GOPC: variants seen among roughly 807,000 people sequenced by gnomAD.
The protein encoded by GOPC is golgi associated PDZ and coiled-coil motif containing.
In GOPC, 32 loss-of-function variants were observed where a neutral mutation model predicts 51.2. The ratio of observed to expected loss-of-function variants is 0.63; its 90% CI spans 0.47 to 0.84. The LOEUF is 0.84. Ranked by LOEUF, GOPC falls within the 40% of genes least tolerant of loss-of-function variation. The pLI is 0.00. For missense variants in GOPC, 441 were observed against 555.5 expected (o/e 0.79, Z 2.07); for synonymous variants, 190 against 205.1 (o/e 0.93, Z 0.63).
chr6:117,588,196 A>G (rs1780060815), intron 1 of GOPC, among the ~76,000 whole-genome samples: 1 of 152,044 alleles, frequency 6.6e-6, no homozygotes. Context: ...TATAAATATT[A>G]TTATTATAAA....
intron 6 of GOPC, among the ~76,000 whole-genome samples, chr6:117,570,150 T>G (rs1020562412): frequency 9.2e-5 from 14 of 151,978 alleles, no homozygotes; most frequent in African/African-American, 3.4e-4. Flanking sequence ...ACTCTCTAGC[T>G]TATATCATTG....
intron 1 of GOPC, 86 bp from the exon 2 acceptor site, chr6:117,579,150 G>A (rs2114614984): frequency 1.9e-6 from 2 of 1,028,570 alleles, no homozygotes; most frequent in East Asian, 2.6e-5. Flanking sequence ...TGACAACAGA[G>A]AGACTACCTT....
At chr6:117,601,537 T>A (rs1176588046) in intron 1 of GOPC, among the ~76,000 whole-genome samples, 1 of 152,178 alleles carries the variant, frequency 6.6e-6, no homozygotes, top group Non-Finnish European at 1.5e-5. Context: ...TTCCCCTAAA[T>A]AGTTTATGCA....
chr6:117,599,129 TTTAATG>T (rs1771943313), intron 1 of GOPC, among the ~76,000 whole-genome samples: 1 of 152,132 alleles, frequency 6.6e-6, no homozygotes, highest in African/African-American at 2.4e-5. Context: ...AAATATAGTG[TTTAATG>T]TTAACTACAT....
chr6:117,581,082 T>C (rs1234518344), intron 1 of GOPC, among the ~76,000 whole-genome samples: 1 of 152,066 alleles, frequency 6.6e-6, no homozygotes, highest in Non-Finnish European at 1.5e-5. Flanking sequence ...GTGTCAACCA[T>C]GATATAATCA....
At chr6:117,590,854 G>GT (rs1265076678) in intron 1 of GOPC, among the ~76,000 whole-genome samples, 1 of 152,004 alleles carries the variant, frequency 6.6e-6, no homozygotes, top group Non-Finnish European at 1.5e-5. Flanking sequence ...GTTTTGTTTT[G>GT]TTTTGTTTTG....
intron 1 of GOPC, among the ~76,000 whole-genome samples, chr6:117,598,185 C>G (rs1006711957): frequency 6.8e-6 from 1 of 147,880 alleles, no homozygotes; most frequent in South Asian, 2.2e-4. Flanking sequence ...ATAGTAAAAC[C>G]CCATCTCTAC....
At chr6:117,581,912 G>A (rs1485811640) in intron 1 of GOPC, among the ~76,000 whole-genome samples, 1 of 152,068 alleles carries the variant, frequency 6.6e-6, no homozygotes, top group Non-Finnish European at 1.5e-5. Flanking sequence ...ATGTACGTTA[G>A]ACTTCAGGAG....
At chr6:117,567,779 G>A (rs1467467966) in intron 7 of GOPC, among the ~76,000 whole-genome samples, 2 of 151,990 alleles carry the variant, frequency 1.3e-5, no homozygotes, top group Non-Finnish European at 2.9e-5. Flanking sequence ...CCTACATAAT[G>A]AACAAGAATA....
intron 1 of GOPC, among the ~76,000 whole-genome samples, chr6:117,582,269 C>T (rs928535026): frequency 1.4e-3 from 152 of 106,458 alleles, no homozygotes; most frequent in African/African-American, 6.1e-3. Flanking sequence ...TCTGCCTCCC[C>T]CCCTACACAC....
chr6:117,566,810 A>G (rs780222381), intron 8 of GOPC, 44 bp downstream of exon 8: 13 of 1,257,310 alleles, frequency 1.0e-5, no homozygotes, highest in Non-Finnish European at 1.4e-5. Flanking sequence ...TAAACATTTA[A>G]TAATAATGAA....
intron 1 of GOPC, among the ~76,000 whole-genome samples, chr6:117,585,475 T>C (rs1780016997): frequency 6.6e-6 from 1 of 152,166 alleles, no homozygotes; most frequent in Non-Finnish European, 1.5e-5. Context: ...ATAGAGCTCT[T>C]TTGATAAAGT....
rs557764946 is a variant in GOPC, at chr6:117,575,171, A to G, written c.650+6T>C. 6.3e-7 allele frequency: 1 copy of G among 1,585,612 alleles called. No individual in the cohort carries two copies. Among genetic ancestry groups the G allele is most frequent in the South Asian group, 1.2e-5 (1 of 84,922 alleles). ...AAGAGTACAATAATACCCATTTTTT[A>G]CACACCTTCCTGCCAGTTCCTTATC... On this transcript the variant is annotated splice_donor_region_variant and intron_variant, in intron 4 of 8. Coordinates refer to ENST00000368498, the MANE Select transcript of GOPC (RefSeq NM_020399.4).
chr6:117,573,439 G>A (rs536217237), intron 5 of GOPC, 28 bp downstream of exon 5: 12 of 1,599,758 alleles, frequency 7.5e-6, no homozygotes, highest in Middle Eastern at 3.4e-4. Context: ...AAGAGGCTGG[G>A]TGGGAAGCAG....
Position 117,596,044 on chromosome 6 carries a change from A to T in GOPC, c.285+5960T>A, listed in dbSNP as rs577383715. On this transcript the variant is annotated intron_variant, in intron 1 of 8. Coordinates refer to ENST00000368498, the MANE Select transcript of GOPC (RefSeq NM_020399.4). The stretch of plus-strand genomic sequence containing the variant: ...TGTAAAAGTGTTCCCTTTTCACCAC[A>T]TCCGTGCCAACATCTATTTTTTTTT... Among the ~76,000 whole-genome samples the T allele has an allele frequency of 8.5e-5, 13 of 152,090 alleles. No homozygotes were observed. The South Asian group carries it at 2.7e-3, about 32-fold the overall frequency.
chr6:117,593,865 T>A (rs1252607606), intron 1 of GOPC, among the ~76,000 whole-genome samples: 1 of 152,076 alleles, frequency 6.6e-6, no homozygotes, highest in Non-Finnish European at 1.5e-5. Flanking sequence ...CATCTCTAGG[T>A]TTTTTTTATT....
intron 1 of GOPC, among the ~76,000 whole-genome samples, chr6:117,593,977 T>G: frequency 6.6e-6 from 1 of 152,166 alleles, no homozygotes; most frequent in East Asian, 1.9e-4. Flanking sequence ...TCTAAACAAT[T>G]TTCTGCATTC....
At chr6:117,575,482 C>T (rs2114612212) in intron 3 of GOPC, 130 bp from the exon 4 acceptor site, 1 of 803,558 alleles carries the variant, frequency 1.2e-6, no homozygotes, top group Non-Finnish European at 2.2e-6. Flanking sequence ...ACACAAAGAT[C>T]TGGATGTAGT....
Position 117,569,630 on chromosome 6 carries a change from T to C in GOPC, c.1019A>G (p.Asn340Ser), listed in dbSNP as rs763698127. The C allele has an allele frequency of 2.5e-6, 4 of 1,613,146 alleles. No homozygotes were observed. The African/African-American group carries it at 4.0e-5, about 16-fold the overall frequency. The change falls in exon 7 of 9, where the codon AAC becomes AGC. Residue 340 changes from asparagine to serine, a missense_variant. Around this residue, in one of 3 missense-constraint regions of GOPC, gnomAD observed 166 missense variants for 267.0 expected, o/e 0.62. Coordinates refer to ENST00000368498, the MANE Select transcript of GOPC (RefSeq NM_020399.4). ...CTTTGTGTCCCTTAGGTTAACTCCGTTGACTGCCAAAATAGCATCCCCAAC... is the reference window on the plus strand; with the variant it reads ...CTTTGTGTCCCTTAGGTTAACTCCGCTGACTGCCAAAATAGCATCCCCAAC... ...LHVGDAILAV[N>S]GVNLRDTKHK...
Sources: gnomAD v4.1 joint callset for allele counts (sites outside exome capture counted in the v4.1 genomes callset) on GRCh38, gnomAD v4.1.1 for gene constraint, gnomAD v4.1.1 regional missense constraint, MANE v1.5 for transcripts, NCBI Gene and HGNC (gene_info 2026-07-23, HGNC 2026-07-21) for gene names.